ZNF445: variants seen among roughly 807,000 people sequenced by gnomAD.
The protein encoded by ZNF445 is zinc finger protein 168.
In ZNF445, 19 loss-of-function variants were observed where a neutral mutation model predicts 93.9. The ratio of observed to expected loss-of-function variants is 0.20; its 90% CI spans 0.14 to 0.30. The LOEUF is 0.30. ZNF445 is among the 10% of genes least tolerant of loss of function. The probability of loss-of-function intolerance (pLI) is 1.00; values close to 1 mark genes in which losing one functional copy is unlikely to be tolerated. For missense variants in ZNF445, 1,058 were observed against 1,259.4 expected (o/e 0.84, Z 2.42); for synonymous variants, 449 against 446.3 (o/e 1.01, Z -0.08).
At chr3:44,469,943 G>A (rs9874568) in intron 1 of ZNF445, among the ~76,000 whole-genome samples, 1,841 of 152,178 alleles carry the variant, frequency 0.012, 33 homozygotes, top group African/African-American at 0.042. Context: ...CAGGCCCGAG[G>A]CCACTCTTTT....
rs1044356082 is a variant in ZNF445 at position 44,434,808 on chromosome 3, C to T, written c.*11767G>A. ...CGGGTGTGCCACACTTCGCCTGCCC[C>T]GCTTGCTTTTGGTTGCTTGCTCTTT... On this transcript the variant is annotated 3_prime_UTR_variant, in exon 8 of 8. Transcript: ENST00000396077. 6.6e-6 allele frequency: 1 copy of T among 152,188 alleles called. No homozygotes were observed. Among genetic ancestry groups the T allele is most frequent in the Admixed American group, 6.5e-5 (1 of 15,282 alleles). The allele number at this position is 152,188 out of a possible 1,614,324, so 9.4% of individuals were successfully genotyped here. A position where few individuals can be genotyped will look rare whatever the true frequency, so the allele number is the denominator to read the frequency against.
rs903662077 is a variant in ZNF445, at chr3:44,444,354, A to G, written c.*2221T>C. On this transcript the variant is annotated 3_prime_UTR_variant, in exon 8 of 8. Transcript: ENST00000396077. ...CCTGATGGAGAGCCTTGGTAAACCA[A>G]GCCCTCTTTCACCAATCTCAGGAAT... 2 of 152,226 alleles carry G rather than the reference A, an allele frequency of 1.3e-5. No homozygotes were observed. Among genetic ancestry groups the G allele is most frequent in the African/African-American group, 4.8e-5 (2 of 41,440 alleles). 9.4% of individuals were successfully genotyped at this position (152,226 alleles called of 1,614,324 possible). A position where few individuals can be genotyped will look rare whatever the true frequency, so the allele number is the denominator to read the frequency against.
chr3:44,437,331 T>C lies in ZNF445; in HGVS notation c.*9244A>G, dbSNP rs1006108781. ...GCCTGGATCTTGTGCCAATCTCCTA[T>C]CTCATCCCGTGACTTAGAATGCCTT... On this transcript the variant is annotated 3_prime_UTR_variant, in exon 8 of 8. Transcript: ENST00000396077. 6.6e-6 allele frequency: 1 copy of C among 152,044 alleles called. No homozygotes were observed. Among genetic ancestry groups the C allele is most frequent in the Admixed American group, 6.6e-5 (1 of 15,254 alleles). 9.4% of individuals were successfully genotyped at this position (152,044 alleles called of 1,614,324 possible).
At chr3:44,449,766 A>C (rs963395890) in intron 6 of ZNF445, 143 bp from the exon 7 acceptor site, 4 of 649,924 alleles carry the variant, frequency 6.2e-6, no homozygotes, top group Non-Finnish European at 1.1e-5. Context: ...AGGCCCAGTC[A>C]TTTCAAATAG....
At position 44,442,280 on chromosome 3, in the gene ZNF445, C is replaced by A. The variant is rs543789731; in HGVS notation, c.*4295G>T. 1 of 152,316 alleles carries A rather than the reference C, an allele frequency of 6.6e-6. No individual in the cohort carries two copies. Among genetic ancestry groups the A allele is most frequent in the Non-Finnish European group, 1.5e-5 (1 of 68,024 alleles). The allele number at this position is 152,316 out of a possible 1,614,324, so 9.4% of individuals were successfully genotyped here. ...ATGCAGGCTTTTCCCAATCTTGCTA[C>A]CTAAACAATACTTCAGTGAAGTCTT... is the stretch of plus-strand genomic sequence containing the variant. On this transcript the variant is annotated 3_prime_UTR_variant, in exon 8 of 8. Transcript: ENST00000396077.
intron 1 of ZNF445, among the ~76,000 whole-genome samples, chr3:44,470,646 CA>C (rs1397121417): frequency 6.6e-6 from 1 of 152,086 alleles, no homozygotes; most frequent in Non-Finnish European, 1.5e-5. Context: ...GCCTCACTAC[CA>C]AAGTATTTTT....
At chr3:44,473,570 G>A (rs1698302995) in intron 1 of ZNF445, among the ~76,000 whole-genome samples, 1 of 151,504 alleles carries the variant, frequency 6.6e-6, no homozygotes, top group Admixed American at 6.6e-5. Flanking sequence ...AACTAATAAT[G>A]GGAGTGCCCA....
Position 44,477,643 on chromosome 3 carries a change from C to A in ZNF445, c.-321G>T, listed in dbSNP as rs941264744. 1.3e-5 allele frequency: 2 copies of A among 152,640 alleles called. No homozygotes were observed. The highest frequency in any genetic ancestry group is 1.9e-4 in the South Asian group (1 of 5,234). The allele number at this position is 152,640 out of a possible 1,614,324, so 9.5% of individuals were successfully genotyped here. On this transcript the variant is annotated 5_prime_UTR_variant, in exon 1 of 8. Transcript: ENST00000396077. ...TCCACCCGCCGCCACCGCAGCCGCC[C>A]GTCCCGCGCCTACCTCCCGGCGGCT...
chr3:44,449,383 C>T (rs1697927251), intron 7 of ZNF445, 130 bp downstream of exon 7: 2 of 769,004 alleles, frequency 2.6e-6, no homozygotes, highest in Non-Finnish European at 4.3e-6. Flanking sequence ...GCCCAAGCAC[C>T]CTTACCAACA....
intron 2 of ZNF445, 138 bp downstream of exon 2, chr3:44,458,106 C>G (rs1368835255): frequency 6.7e-6 from 1 of 150,310 alleles, no homozygotes; most frequent in Non-Finnish European, 1.5e-5. Flanking sequence ...CGCAGTGGTT[C>G]ACACCTGTAA....
At chr3:44,457,827 G>A (rs192421595) in intron 2 of ZNF445, among the ~76,000 whole-genome samples, 2 of 151,158 alleles carry the variant, frequency 1.3e-5, no homozygotes, top group African/African-American at 2.4e-5. Context: ...ACAGTGAAAC[G>A]CCATCTCTAC....
chr3:44,465,801 C>A (rs1698184530), intron 1 of ZNF445, among the ~76,000 whole-genome samples: 1 of 152,154 alleles, frequency 6.6e-6, no homozygotes, highest in Non-Finnish European at 1.5e-5. Flanking sequence ...GTAATCCCAA[C>A]TACTCTGGAG....
At chr3:44,453,393 C>G (rs370580093) in intron 3 of ZNF445, among the ~76,000 whole-genome samples, 17 of 151,936 alleles carry the variant, frequency 1.1e-4, no homozygotes, top group Admixed American at 6.6e-4. Flanking sequence ...CTTCCAGGTT[C>G]AAGCAATTCT....
At chr3:44,458,467 T>C (rs1423278460) in intron 1 of ZNF445, 103 bp from the exon 2 acceptor site, 1 of 152,078 alleles carries the variant, frequency 6.6e-6, no homozygotes, top group Non-Finnish European at 1.5e-5. Context: ...TACACATTGG[T>C]TTTTATCCAT....
Position 44,431,743 on chromosome 3 carries a change from C to T in ZNF445, c.*14832G>A, listed in dbSNP as rs1236038531. The T allele has an allele frequency of 6.6e-6, 1 of 151,674 alleles. No homozygotes were observed. Among genetic ancestry groups the T allele is most frequent in the African/African-American group, 2.4e-5 (1 of 41,284 alleles). The allele number at this position is 151,674 out of a possible 1,614,324, so 9.4% of individuals were successfully genotyped here. On this transcript the variant is annotated 3_prime_UTR_variant, in exon 8 of 8. Coordinates refer to ENST00000396077, the MANE Select transcript of ZNF445 (RefSeq NM_181489.6). The stretch of plus-strand genomic sequence containing the variant: ...ATGCAAGACAGACAATACTTTATTA[C>T]TTCATTTCTATAAAGTACAAAAACA...
At position 44,438,671 on chromosome 3, in the gene ZNF445, G is replaced by A. The variant is rs1697740680; in HGVS notation, c.*7904C>T. On this transcript the variant is annotated 3_prime_UTR_variant, in exon 8 of 8. Transcript: ENST00000396077. ...GAAAATGTGGCACACATACACCATG[G>A]AATACTATGCAGCCATAAAAAATGA... The A allele has an allele frequency of 6.6e-6, 1 of 152,056 alleles. No individual in the cohort carries two copies. The highest frequency in any genetic ancestry group is 1.5e-5 in the Non-Finnish European group (1 of 67,998). The allele number at this position is 152,056 out of a possible 1,614,324, so 9.4% of individuals were successfully genotyped here.
chr3:44,446,996 G>C lies in ZNF445; in HGVS notation c.2675C>G (p.Thr892Arg). The C allele has an allele frequency of 6.2e-7, 1 of 1,614,180 alleles. No homozygotes were observed. Among genetic ancestry groups the C allele is most frequent in the Non-Finnish European group, 8.5e-7 (1 of 1,180,030 alleles). Residue 892 changes from threonine (T) to arginine (R), a missense_variant, in exon 8 of 8, where the codon ACA (threonine) becomes AGA (arginine). Thr to Arg is a moderately conservative substitution (Grantham distance 71, BLOSUM62 -1). This residue lies in a region of ZNF445 where 387 missense variants were observed against 475.7 expected (regional missense o/e 0.81). Transcript: ENST00000396077. This position sits in a 1 kb window ranked among gnomAD's most constrained non-coding sequence, Gnocchi z 4.2. Reference sequence around the variant, plus strand: ...CCACTGACATTTGAAAGGTCTCTCTGTAGAGTGGATCCTCTGATGGTTAAC... The same window carrying C: ...CCACTGACATTTGAAAGGTCTCTCTCTAGAGTGGATCCTCTGATGGTTAAC... ...RLVNHQRIHS[T>R]ERPFKCQWCG...
In ZNF445 at chr3:44,447,013, A is replaced by G. The variant is rs1267490612; in HGVS notation, c.2658T>C (p.His886=). The G allele has an allele frequency of 5.6e-6, 9 of 1,614,078 alleles. No homozygotes were observed. The highest frequency in any genetic ancestry group is 7.6e-6 in the Non-Finnish European group (9 of 1,180,048). ...SYDRNYRLVN[H]QRIHSTERPF... is the part of the protein sequence containing the mutation. ...GTCTCTCTGTAGAGTGGATCCTCTG[A>G]TGGTTAACAAGGCGATAGTTTCTAT... Residue 886 remains histidine, a synonymous_variant, in exon 8 of 8, where the codon CAT becomes CAC. Coordinates refer to ENST00000396077, the MANE Select transcript of ZNF445 (RefSeq NM_181489.6). The surrounding 1 kb of genome is among the most constrained non-coding windows in gnomAD (Gnocchi z 4.7).
intron 3 of ZNF445, among the ~76,000 whole-genome samples, chr3:44,452,212 C>T (rs796102079): frequency 8.5e-4 from 129 of 152,286 alleles, no homozygotes; most frequent in African/African-American, 2.6e-3. Flanking sequence ...TTTTCTGGTC[C>T]TGTGGCCGAG....
Sources: gnomAD v4.1 joint callset for allele counts (sites outside exome capture counted in the v4.1 genomes callset) on GRCh38, gnomAD v4.1.1 for gene constraint, gnomAD v4.1.1 regional missense constraint, Gnocchi (gnomAD v3.1) non-coding constraint, MANE v1.5 for transcripts, NCBI Gene and HGNC (gene_info 2026-07-23, HGNC 2026-07-21) for gene names.